Variants in TRMU observed in about 807,000 individuals in gnomAD.
TRMU encodes the protein mitochondrial tRNA-specific 2-thiouridylase 1.
In TRMU, 49 loss-of-function variants were observed where a neutral mutation model predicts 46.9. The observed-to-expected ratio is 1.05, with a 90% CI of 0.83 to 1.33. The LOEUF is 1.33. Among genes scored for constraint, TRMU ranks in the 40% most tolerant of loss-of-function variants. The probability of loss-of-function intolerance (pLI) is 0.00; values close to 1 mark genes in which losing one functional copy is unlikely to be tolerated. For synonymous variants in TRMU, 241 were observed against 200.9 expected (o/e 1.20, Z -1.69); for missense variants, 572 against 532.4 (o/e 1.07, Z -0.73).
rs985258115 is a variant in TRMU at position 46,336,074 on chromosome 22, G to T, written c.82+228G>T. On this transcript the variant is annotated intron_variant, in intron 1 of 10. Transcript: ENST00000645190. This position sits in a 1 kb window ranked among gnomAD's most constrained non-coding sequence, Gnocchi z 4.1. The stretch of plus-strand genomic sequence containing the variant: ...GCTCCGACTACCTGGGAGCAGTTCC[G>T]CGCCCCTCTCCACCCACGCGCGCCC... 7 of 1,389,246 alleles carry T rather than the reference G, an allele frequency of 5.0e-6. No homozygotes were observed. The highest frequency in any genetic ancestry group is 6.5e-6 in the Non-Finnish European group (7 of 1,076,122). The allele number at this position is 1,389,246 out of a possible 1,614,324, so 86.1% of individuals were successfully genotyped here.
Position 46,338,985 on chromosome 22 carries a change from G to T in TRMU, c.248+1041G>T, listed in dbSNP as rs1404735192. Among the ~76,000 whole-genome samples, 1 of 151,792 alleles carries T rather than the reference G, an allele frequency of 6.6e-6. No homozygotes were observed. Among genetic ancestry groups the T allele is most frequent in the African/African-American group, 2.4e-5 (1 of 41,308 alleles). ...TTGAAAAAAATTCTCTTTTTTTCCT[G>T]CCAACAAAGACCCAGAAGAGATACT... On this transcript the variant is annotated intron_variant, in intron 2 of 10. Coordinates refer to ENST00000645190, the MANE Select transcript of TRMU (RefSeq NM_018006.5). This position sits in a 1 kb window ranked among gnomAD's most constrained non-coding sequence, Gnocchi z 4.5.
At position 46,357,022 on chromosome 22, in the gene TRMU, T is replaced by A; in HGVS notation, c.*16T>A. 1 of 1,613,224 alleles carries A rather than the reference T, an allele frequency of 6.2e-7. No individual in the cohort carries two copies. The highest frequency in any genetic ancestry group is 2.2e-5 in the East Asian group (1 of 44,874). ...CTTGCTCTGACAGAGATGGATCTGCTAGAAGGAACCTGGAGAGCAGGACCC... is the reference window on the plus strand; with the variant it reads ...CTTGCTCTGACAGAGATGGATCTGCAAGAAGGAACCTGGAGAGCAGGACCC... On this transcript the variant is annotated 3_prime_UTR_variant, in exon 11 of 11. Transcript: ENST00000645190.
At position 46,336,229 on chromosome 22, in the gene TRMU, G is replaced by GCCTGA; in HGVS notation, c.82+387_82+391dup. 1 of 980,124 alleles carries GCCTGA rather than the reference G, an allele frequency of 1.0e-6. No homozygotes were observed. The highest frequency in any genetic ancestry group is 1.3e-6 in the Non-Finnish European group (1 of 786,716). The allele number at this position is 980,124 out of a possible 1,614,324, so 60.7% of individuals were successfully genotyped here. Reference sequence around the variant, plus strand: ...GGGAGCTGGGATCGCCGGGCCGGGGGCCTGACCTCTGCACACGCTGTGGCC... The same window carrying GCCTGA: ...GGGAGCTGGGATCGCCGGGCCGGGGGCCTGACCTGACCTCTGCACACGCTGTGGCC... On this transcript the variant is annotated intron_variant, in intron 1 of 10. Coordinates refer to ENST00000645190, the MANE Select transcript of TRMU (RefSeq NM_018006.5). The surrounding 1 kb of genome is among the most constrained non-coding windows in gnomAD (Gnocchi z 4.1).
chr22:46,336,217 G>A lies in TRMU; in HGVS notation c.82+371G>A, dbSNP rs1950882639. 1.6e-5 allele frequency: 17 copies of A among 1,044,798 alleles called. No homozygotes were observed. The highest frequency in any genetic ancestry group is 2.0e-5 in the Non-Finnish European group (17 of 843,932). The allele number at this position is 1,044,798 out of a possible 1,614,324, so 64.7% of individuals were successfully genotyped here. On this transcript the variant is annotated intron_variant, in intron 1 of 10. Transcript: ENST00000645190. The surrounding 1 kb of genome is among the most constrained non-coding windows in gnomAD (Gnocchi z 4.1). The stretch of plus-strand genomic sequence containing the variant: ...GACACTGGTGAGGGGAGCTGGGATC[G>A]CCGGGCCGGGGGCCTGACCTCTGCA...
At chr22:46,356,138 G>C in intron 10 of TRMU, 66 bp downstream of exon 10, 1 of 1,582,724 alleles carries the variant, frequency 6.3e-7, no homozygotes, top group Non-Finnish European at 8.7e-7. Flanking sequence ...AGGGCACCCG[G>C]GTTACAGAGG....
At chr22:46,355,893 T>G (rs2078589737) in intron 9 of TRMU, 97 bp from the exon 10 acceptor site, 1 of 1,401,594 alleles carries the variant, frequency 7.1e-7, no homozygotes, top group Non-Finnish European at 9.9e-7. Context: ...AAGCAGGGGT[T>G]TTTGACCCCG....
intron 7 of TRMU, chr22:46,353,458 GGCACCCAGCC>G: frequency 2.7e-6 from 1 of 373,094 alleles, no homozygotes; most frequent in Non-Finnish European, 5.2e-6. Context: ...CGTCACACAG[GGCACCCAGCC>G]GCATCCTGGG....
intron 2 of TRMU, among the ~76,000 whole-genome samples, chr22:46,340,607 G>A (rs1012139441): frequency 7.3e-6 from 1 of 137,516 alleles, no homozygotes; most frequent in Non-Finnish European, 1.6e-5. Flanking sequence ...AATTAGGAGC[G>A]GAGCTGGGAT....
chr22:46,337,789 G>GA lies in TRMU; in HGVS notation c.94dup (p.Thr32AsnfsTer13). On this transcript the variant is annotated frameshift_variant, in exon 2 of 11. Coordinates refer to ENST00000645190, the MANE Select transcript of TRMU (RefSeq NM_018006.5). LOFTEE classifies it high-confidence loss of function. ...CCTTCCCGCCCGCAGGTTACCAGGT[G>GA]ACAGGGGTGTTTATGAAGAACTGGG... is the stretch of plus-strand genomic sequence containing the variant. The GA allele has an allele frequency of 6.2e-7, 1 of 1,614,226 alleles. No individual in the cohort carries two copies. Among genetic ancestry groups the GA allele is most frequent in the Non-Finnish European group, 8.5e-7 (1 of 1,180,034 alleles).
intron 3 of TRMU, among the ~76,000 whole-genome samples, chr22:46,343,607 C>CAGA: frequency 6.6e-6 from 1 of 152,150 alleles, no homozygotes; most frequent in African/African-American, 2.4e-5. Flanking sequence ...GATTTCTGGC[C>CAGA]TTAAGCAGTC....
Position 46,355,438 on chromosome 22 carries a change from C to G in TRMU, c.874-6C>G. The G allele has an allele frequency of 6.2e-7, 1 of 1,612,788 alleles. No homozygotes were observed. Among genetic ancestry groups the G allele is most frequent in the East Asian group, 2.2e-5 (1 of 44,860 alleles). Reference sequence around the variant, plus strand: ...GGCGTCCCCACCTTCACATTCCATTCTGCAGGCCCCCCGGACAGACCACCC... The same window carrying G: ...GGCGTCCCCACCTTCACATTCCATTGTGCAGGCCCCCCGGACAGACCACCC... On this transcript the variant is annotated splice_region_variant and splice_polypyrimidine_tract_variant and intron_variant, in intron 8 of 10. Transcript: ENST00000645190.
rs879843197 is a variant in TRMU at position 46,355,896 on chromosome 22, T to C, written c.1019-94T>C. The C allele has an allele frequency of 9.8e-6, 14 of 1,424,780 alleles. 2 individuals carry two copies. In the South Asian group the frequency reaches 1.3e-4, roughly 13 times the overall value. 88.3% of individuals were successfully genotyped at this position (1,424,780 alleles called of 1,614,324 possible). ...CCCTTCCCCTCTAAGCAGGGGTTTT[T>C]GACCCCGTGGGCTGGTGCTCCTTTC... On this transcript the variant is annotated intron_variant, in intron 9 of 10. Transcript: ENST00000645190.
rs2078638727 is a variant in TRMU at position 46,357,145 on chromosome 22, G to A, written c.*139G>A. On this transcript the variant is annotated 3_prime_UTR_variant, in exon 11 of 11. Coordinates refer to ENST00000645190, the MANE Select transcript of TRMU (RefSeq NM_018006.5). Reference sequence around the variant, plus strand: ...GGCTGGCTGAGGGTCCGAAAAGCCTGCAGGGGCCCGGCGAGCCCCAGGAAG... The same window carrying A: ...GGCTGGCTGAGGGTCCGAAAAGCCTACAGGGGCCCGGCGAGCCCCAGGAAG... 3 of 1,205,470 alleles carry A rather than the reference G, an allele frequency of 2.5e-6. No individual in the cohort carries two copies. Among genetic ancestry groups the A allele is most frequent in the African/African-American group, 1.5e-5 (1 of 66,242 alleles). The allele number at this position is 1,205,470 out of a possible 1,614,324, so 74.7% of individuals were successfully genotyped here.
chr22:46,352,601 G>GT (rs1239259813), intron 7 of TRMU: 1 of 551,770 alleles, frequency 1.8e-6, no homozygotes, highest in African/African-American at 1.9e-5. Context: ...TGTGAGTTAC[G>GT]TATCAAGTCC....
Position 46,343,265 on chromosome 22 carries a change from CTT to C in TRMU, c.256_257del (p.Leu86GlufsTer2). 1 of 1,604,414 alleles carries C rather than the reference CTT, an allele frequency of 6.2e-7. No homozygotes were observed. Among genetic ancestry groups the C allele is most frequent in the African/African-American group, 1.3e-5 (1 of 74,356 alleles). Reference sequence around the variant, plus strand: ...AAGTCATTTTCTTTTATTCTAGTGACTTTTTGAATGAGTATGAAAAAGGAAGG... The same window carrying C: ...AAGTCATTTTCTTTTATTCTAGTGACTTTGAATGAGTATGAAAAAGGAAGG... ...KEYWNDVFSD[F>X]LNEYEKGRTP... On this transcript the variant is annotated frameshift_variant, in exon 3 of 11. Coordinates refer to ENST00000645190, the MANE Select transcript of TRMU (RefSeq NM_018006.5). LOFTEE classifies it high-confidence loss of function.
Position 46,350,187 on chromosome 22 carries a change from G to C in TRMU, c.479-104G>C. Reference sequence around the variant, plus strand: ...CTATTGAGTGTTGATGTCTGCCTCTGACAGGCTAGGGGTAGTCTGTCTAAG... The same window carrying C: ...CTATTGAGTGTTGATGTCTGCCTCTCACAGGCTAGGGGTAGTCTGTCTAAG... On this transcript the variant is annotated intron_variant, in intron 4 of 10. Transcript: ENST00000645190. This position sits in a 1 kb window ranked among gnomAD's most constrained non-coding sequence, Gnocchi z 4.6. 1.4e-6 allele frequency: 2 copies of C among 1,424,614 alleles called. No individual in the cohort carries two copies. Among genetic ancestry groups the C allele is most frequent in the Non-Finnish European group, 2.0e-6 (2 of 1,019,890 alleles). The allele number at this position is 1,424,614 out of a possible 1,614,324, so 88.2% of individuals were successfully genotyped here. A position where few individuals can be genotyped will look rare whatever the true frequency, so the allele number is the denominator to read the frequency against.
intron 10 of TRMU, chr22:46,356,627 G>T: frequency 1.7e-6 from 1 of 593,730 alleles, no homozygotes; most frequent in Non-Finnish European, 3.0e-6. Flanking sequence ...CTCAGGGAGA[G>T]GTACCCTGAA....
chr22:46,351,906 G>A lies in TRMU; in HGVS notation c.652-215G>A, dbSNP rs546536680. On this transcript the variant is annotated intron_variant, in intron 5 of 10. Transcript: ENST00000645190. The surrounding 1 kb of genome is among the most constrained non-coding windows in gnomAD (Gnocchi z 6.4). ...GGTCTCCCGCGCAGGGTCAGACCCCGCGGGCCGAGACAATGAGGCGTTCTC... is the reference window on the plus strand; with the variant it reads ...GGTCTCCCGCGCAGGGTCAGACCCCACGGGCCGAGACAATGAGGCGTTCTC... 37 of 682,838 alleles carry A rather than the reference G, an allele frequency of 5.4e-5. No individual in the cohort carries two copies. The highest frequency in any genetic ancestry group is 4.2e-5 in the Non-Finnish European group (16 of 378,330). The allele number at this position is 682,838 out of a possible 1,614,324, so 42.3% of individuals were successfully genotyped here.
At chr22:46,356,409 T>G (rs1602001061) in intron 10 of TRMU, 1 of 435,412 alleles carries the variant, frequency 2.3e-6, no homozygotes, top group South Asian at 2.5e-5. Context: ...GTGGGCCGAG[T>G]GTGCAGGAGC....
Sources: gnomAD v4.1 joint callset for allele counts (sites outside exome capture counted in the v4.1 genomes callset) on GRCh38, gnomAD v4.1.1 for gene constraint, Gnocchi (gnomAD v3.1) non-coding constraint, MANE v1.5 for transcripts, NCBI Gene and HGNC (gene_info 2026-07-23, HGNC 2026-07-21) for gene names.